The following SLC47A1 variants were observed in gnomAD, a reference collection of about 807,000 sequenced individuals.
The protein encoded by SLC47A1 is solute carrier family 47 member 1, also known as multidrug and toxin extrusion protein 1.
In SLC47A1, 58 loss-of-function variants were observed where a neutral mutation model predicts 65.8. The observed-to-expected ratio is 0.88, with a 90% confidence interval of 0.71 to 1.10. The LOEUF (loss-of-function observed/expected upper bound fraction) is 1.10. SLC47A1 is among the 50% of genes least tolerant of loss of function. The probability of loss-of-function intolerance (pLI) is 0.00; values close to 1 mark genes in which losing one functional copy is unlikely to be tolerated. For missense variants in SLC47A1, 706 were observed against 719.2 expected, an observed-to-expected ratio of 0.98 and a Z score of 0.21; for synonymous variants, 285 against 295.0, an observed-to-expected ratio of 0.97 and a Z score of 0.35.
intron 5 of SLC47A1, 27 bp from the exon 6 acceptor site, chr17:19,551,397 A>T: frequency 6.3e-6 from 10 of 1,579,704 alleles, no homozygotes; most frequent in Non-Finnish European, 8.7e-6. Context: ...TGAAACATTA[A>T]CATTCATCTC....
chr17:19,577,255 T>C, intron 16 of SLC47A1, 72 bp from the exon 17 acceptor site: 4 of 1,571,886 alleles, frequency 2.5e-6, no homozygotes, highest in Non-Finnish European at 3.4e-6. Flanking sequence ...ACATATTCCT[T>C]TTATACATAG....
At chr17:19,538,260 T>C (rs1051725350) in intron 1 of SLC47A1, among the ~76,000 whole-genome samples, 9 of 152,358 alleles carry the variant, frequency 5.9e-5, no homozygotes, top group African/African-American at 1.9e-4. Context: ...GGCCATTTTG[T>C]AGTTATGATG....
chr17:19,544,299 T>A (rs2453585), intron 2 of SLC47A1, among the ~76,000 whole-genome samples: 27,366 of 152,202 alleles, frequency 0.18, 2,545 homozygotes, highest in East Asian at 0.32. Flanking sequence ...GGCTTAATTA[T>A]CCATTTTGTT....
chr17:19,578,238 A>G lies in SLC47A1; in HGVS notation c.*685A>G, dbSNP rs909370471. On this transcript the variant is annotated 3_prime_UTR_variant, in exon 17 of 17. Coordinates refer to ENST00000270570, the MANE Select transcript of SLC47A1 (RefSeq NM_018242.3). ...AAATCTTTCGAGCTGTGGAAATCCAAACAAAGACTGATAATTCCTGGTAGG... is the reference window on the plus strand; with the variant it reads ...AAATCTTTCGAGCTGTGGAAATCCAGACAAAGACTGATAATTCCTGGTAGG... The G allele has an allele frequency of 1.4e-5, 5 of 345,174 alleles. No individual in the cohort carries two copies. Among genetic ancestry groups the G allele is most frequent in the Non-Finnish European group, 2.3e-5 (4 of 174,934 alleles). 21.4% of individuals were successfully genotyped at this position (345,174 alleles called of 1,614,324 possible).
chr17:19,544,604 C>T (rs959592578), intron 2 of SLC47A1, among the ~76,000 whole-genome samples: 2 of 152,204 alleles, frequency 1.3e-5, no homozygotes, highest in African/African-American at 4.8e-5. Context: ...CTGGTGAAGG[C>T]GAGCACACCT....
At chr17:19,557,528 T>C (rs1229483426) in intron 10 of SLC47A1, 2 of 510,100 alleles carry the variant, frequency 3.9e-6, no homozygotes, top group African/African-American at 1.9e-5. Flanking sequence ...CATATACTTG[T>C]CTGATTATTT....
At chr17:19,538,753 G>C (rs1424154418) in intron 1 of SLC47A1, among the ~76,000 whole-genome samples, 4 of 152,228 alleles carry the variant, frequency 2.6e-5, no homozygotes, top group East Asian at 3.9e-4. Flanking sequence ...TCCAGTGAGT[G>C]AACTTTCAGC....
intron 7 of SLC47A1, 35 bp from the exon 8 acceptor site, chr17:19,555,558 A>G (rs776317526): frequency 1.3e-6 from 2 of 1,587,488 alleles, no homozygotes; most frequent in Admixed American, 3.3e-5. Flanking sequence ...AGGCGCAGGA[A>G]GGTACCTCCC....
Position 19,571,489 on chromosome 17 carries a change from G to C in SLC47A1, c.1321G>C (p.Gly441Arg). ...ATTTCTATTTCTAGGTCTGTGGTCAGGGATCATCATCTGTACAGTCTTTCA... is the reference window on the plus strand; with the variant it reads ...ATTTCTATTTCTAGGTCTGTGGTCACGGATCATCATCTGTACAGTCTTTCA... ...TTLGVMGLWS[G>R]IIICTVFQAV... The change falls in exon 15 of 17, where the codon GGG becomes CGG. Residue 441 changes from glycine to arginine, a missense_variant. Transcript: ENST00000270570. 6.2e-7 allele frequency: 1 copy of C among 1,613,368 alleles called. No homozygotes were observed. Among genetic ancestry groups the C allele is most frequent in the Non-Finnish European group, 8.5e-7 (1 of 1,179,736 alleles).
rs773054352 is a variant in SLC47A1 at position 19,555,292 on chromosome 17, A to C, written c.624A>C (p.Gln208His). Reference sequence around the variant, plus strand: ...TCGCCAACTATCTGTTTCTCCATCAACTGCATCTTGGGGTGATGTGAGTCC... The same window carrying C: ...TCGCCAACTATCTGTTTCTCCATCACCTGCATCTTGGGGTGATGTGAGTCC... ...NALANYLFLH[Q>H]LHLGVIGSAL... Residue 208 changes from glutamine (Q) to histidine (H), a missense_variant, in exon 7 of 17, where the codon CAA becomes CAC. Physicochemically the swap from Gln to His is conservative, Grantham distance 24 (BLOSUM62 0). Coordinates refer to ENST00000270570, the MANE Select transcript of SLC47A1 (RefSeq NM_018242.3). 6.2e-7 allele frequency: 1 copy of C among 1,614,070 alleles called. No homozygotes were observed. Among genetic ancestry groups the C allele is most frequent in the African/African-American group, 1.3e-5 (1 of 74,916 alleles).
rs770236277 is a variant in SLC47A1, at chr17:19,555,932, G to C, written c.853+23G>C. The C allele has an allele frequency of 2.4e-5, 38 of 1,613,946 alleles. No individual in the cohort carries two copies. In the South Asian group the frequency reaches 4.1e-4, roughly 17 times the overall value. On this transcript the variant is annotated intron_variant, in intron 9 of 16. Transcript: ENST00000270570. ...GTGGTCTGTATGAGGATGGATGACG[G>C]GGACTGGTGGGAACCTGGGGGCCCT...
chr17:19,541,578 G>A (rs1013844203), intron 1 of SLC47A1, among the ~76,000 whole-genome samples: 4 of 152,254 alleles, frequency 2.6e-5, no homozygotes, highest in East Asian at 1.9e-4. Flanking sequence ...AATGCAAGGC[G>A]TTCAGCAGGC....
At chr17:19,543,519 C>T (rs950658015) in intron 2 of SLC47A1, among the ~76,000 whole-genome samples, 4 of 152,162 alleles carry the variant, frequency 2.6e-5, no homozygotes, top group African/African-American at 9.7e-5. Flanking sequence ...GAGGAACTGA[C>T]TCCCCCCCAT....
At position 19,578,137 on chromosome 17, in the gene SLC47A1, C is replaced by G. The variant is rs528270707; in HGVS notation, c.*584C>G. 7.1e-5 allele frequency: 32 copies of G among 450,518 alleles called. 1 individual carries two copies. The highest frequency in any genetic ancestry group is 6.1e-4 in the African/African-American group (30 of 49,198). The allele number at this position is 450,518 out of a possible 1,614,324, so 27.9% of individuals were successfully genotyped here. On this transcript the variant is annotated 3_prime_UTR_variant, in exon 17 of 17. Transcript: ENST00000270570. The stretch of plus-strand genomic sequence containing the variant: ...TAGCTGAGACTACAGGGGTATGCCA[C>G]CATGCCCAGCTGGCATTTGTTAATC...
chr17:19,574,703 G>A (rs1304933869), intron 16 of SLC47A1, among the ~76,000 whole-genome samples: 1 of 149,256 alleles, frequency 6.7e-6, no homozygotes, highest in Admixed American at 6.7e-5. Context: ...CGTTTTCACT[G>A]CAACCTCTAT....
At position 19,576,351 on chromosome 17, in the gene SLC47A1, C is replaced by CTT. The variant is rs199805601; in HGVS notation, c.1487-959_1487-958dup. Among the ~76,000 whole-genome samples the CTT allele has an allele frequency of 7.0e-3, 862 of 123,342 alleles. 21 individuals carry two copies. Among genetic ancestry groups the CTT allele is most frequent in the African/African-American group, 0.024 (762 of 31,720 alleles). The allele number at this position is 123,342 out of a possible 152,430, so 80.9% of individuals were successfully genotyped here. A position where few individuals can be genotyped will look rare whatever the true frequency, so the allele number is the denominator to read the frequency against. ...ATAGCCTTGTATTCTTTCTTCCTTC[C>CTT]TTTTTTTTTTTTTTTTTTGACACTG... On this transcript the variant is annotated intron_variant, in intron 16 of 16. Coordinates refer to ENST00000270570, the MANE Select transcript of SLC47A1 (RefSeq NM_018242.3).
At position 19,572,852 on chromosome 17, in the gene SLC47A1, C is replaced by G; in HGVS notation, c.1477C>G (p.Leu493Val). Residue 493 changes from leucine (L) to valine (V), a missense_variant, in exon 16 of 17, where the codon CTT becomes GTT. Leu to Val is a conservative substitution (Grantham distance 32). Transcript: ENST00000270570. Reference sequence around the variant, plus strand: ...GAATTCTGCTCTCCCTCAGGATCCGCTTCACCCAGGTAAGATATGACTCCC... The same window carrying G: ...GAATTCTGCTCTCCCTCAGGATCCGGTTCACCCAGGTAAGATATGACTCCC... Reference protein sequence around the residue: ...SGNSALPQDPLHPGCPENLEG... With the variant: ...SGNSALPQDPVHPGCPENLEG... 6.2e-7 allele frequency: 1 copy of G among 1,614,130 alleles called. No individual in the cohort carries two copies. Among genetic ancestry groups the G allele is most frequent in the Non-Finnish European group, 8.5e-7 (1 of 1,180,006 alleles).
chr17:19,543,394 G>A (rs527622042), intron 2 of SLC47A1, among the ~76,000 whole-genome samples: 2 of 152,274 alleles, frequency 1.3e-5, no homozygotes, highest in Admixed American at 6.5e-5. Context: ...ACAGGTGTGA[G>A]CCACTGCGCC....
rs1374115520 is a variant in SLC47A1 at position 19,560,307 on chromosome 17, C to A, written c.1030+11C>A. ...CCCTGCTGATTACAGGTGCTGAGAC[C>A]CCTTTACCCGAGGCTCTTGGTGCAG... On this transcript the variant is annotated intron_variant, in intron 11 of 16. Transcript: ENST00000270570. 6 of 1,610,264 alleles carry A rather than the reference C, an allele frequency of 3.7e-6. No individual in the cohort carries two copies. The highest frequency in any genetic ancestry group is 1.7e-5 in the Admixed American group (1 of 59,904).
Sources: allele counts gnomAD v4.1 joint callset (sites outside exome capture counted in the v4.1 genomes callset), GRCh38; gene constraint gnomAD v4.1.1; transcripts MANE v1.5; gene names NCBI Gene and HGNC (gene_info 2026-07-23, HGNC 2026-07-21).